The following CDKN1A variants were observed in gnomAD, a reference collection of about 807,000 sequenced individuals.
CDKN1A encodes cyclin-dependent kinase inhibitor 1.
Under a neutral mutation model 14.8 loss-of-function variants are expected in CDKN1A, and 14 were observed. The observed-to-expected ratio is 0.94, with a 90% CI of 0.62 to 1.48. The LOEUF is 1.48. CDKN1A is among the 40% of genes most tolerant of loss of function. CDKN1A has a pLI of 0.00. For synonymous variants in CDKN1A, 92 were observed against 93.5 expected (o/e 0.98, Z 0.09); for missense variants, 203 against 231.7 (o/e 0.88, Z 0.80).
In CDKN1A at chr6:36,686,482, C is replaced by T. The variant is rs1289515919; in HGVS notation, c.*682C>T. 4.2e-6 allele frequency: 1 copy of T among 237,264 alleles called. No homozygotes were observed. The highest frequency in any genetic ancestry group is 6.0e-5 in the East Asian group (1 of 16,650). 14.7% of individuals were successfully genotyped at this position (237,264 alleles called of 1,614,324 possible). ...CAGACCACCCCGCCTGCCCTCATGG[C>T]CCCTCTGACCTGCACTGGGGAGCCC... On this transcript the variant is annotated 3_prime_UTR_variant, in exon 3 of 3. Coordinates refer to ENST00000244741, the MANE Select transcript of CDKN1A (RefSeq NM_000389.5). This position sits in a 1 kb window ranked among gnomAD's most constrained non-coding sequence, Gnocchi z 4.9.
intron 2 of CDKN1A, 103 bp from the exon 3 acceptor site, chr6:36,685,648 C>A: frequency 1.7e-6 from 2 of 1,189,386 alleles, no homozygotes; most frequent in Non-Finnish European, 2.5e-6. Flanking sequence ...GCCCCATTGG[C>A]CCCAGGGAAG....
At position 36,686,196 on chromosome 6, in the gene CDKN1A, C is replaced by T. The variant is rs1002260135; in HGVS notation, c.*396C>T. On this transcript the variant is annotated 3_prime_UTR_variant, in exon 3 of 3. Transcript: ENST00000244741. This position sits in a 1 kb window ranked among gnomAD's most constrained non-coding sequence, Gnocchi z 4.9. Reference sequence around the variant, plus strand: ...GGCTCCTTCCCATCGCTGTCACAGGCGGTTATGAAATTCACCCCCTTTCCT... The same window carrying T: ...GGCTCCTTCCCATCGCTGTCACAGGTGGTTATGAAATTCACCCCCTTTCCT... 1.7e-5 allele frequency: 6 copies of T among 348,114 alleles called. No homozygotes were observed. The highest frequency in any genetic ancestry group is 4.1e-5 in the African/African-American group (2 of 48,276). 21.6% of individuals were successfully genotyped at this position (348,114 alleles called of 1,614,324 possible). A position where few individuals can be genotyped will look rare whatever the true frequency, so the allele number is the denominator to read the frequency against.
At position 36,684,352 on chromosome 6, in the gene CDKN1A, G is replaced by A. The variant is rs34916193; in HGVS notation, c.251G>A (p.Arg84Gln). The A allele has an allele frequency of 3.5e-3, 5,613 of 1,613,402 alleles. 25 individuals are homozygous for A. The highest frequency in any genetic ancestry group is 4.2e-3 in the Non-Finnish European group (4,973 of 1,179,888). Residue 84 changes from arginine to glutamine, a missense_variant, in exon 2 of 3, where the codon CGA becomes CAA. Arg to Gln is a conservative substitution (Grantham distance 43, BLOSUM62 1). Coordinates refer to ENST00000244741, the MANE Select transcript of CDKN1A (RefSeq NM_000389.5). The surrounding 1 kb of genome is among the most constrained non-coding windows in gnomAD (Gnocchi z 6.0). The stretch of plus-strand genomic sequence containing the variant: ...CTCTACCTTCCCACGGGGCCCCGGC[G>A]AGGCCGGGATGAGTTGGGAGGAGGC... ...PKLYLPTGPR[R>Q]GRDELGGGRR...
At chr6:36,677,198 C>T (rs1335420166), upstream of CDKN1A, among the ~76,000 whole-genome samples, 1 of 152,154 alleles carries the variant, frequency 6.6e-6, no homozygotes, top group Non-Finnish European at 1.5e-5. Flanking sequence ...GGTTTAGCCA[C>T]AATCCTGGCC....
intron 1 of CDKN1A, among the ~76,000 whole-genome samples, chr6:36,681,310 T>TTC (rs376621109): frequency 8.0e-6 from 1 of 125,396 alleles, no homozygotes; most frequent in African/African-American, 3.0e-5. Flanking sequence ...CTTTCTTTCT[T>TTC]TCTTTCTTTC....
chr6:36,683,083 G>T (rs769233752), intron 1 of CDKN1A, among the ~76,000 whole-genome samples: 5 of 152,182 alleles, frequency 3.3e-5, no homozygotes, highest in African/African-American at 1.2e-4. Flanking sequence ...GAAGTGATAG[G>T]GGGGAGGCTC....
At chr6:36,683,984 G>A in intron 1 of CDKN1A, 113 bp from the exon 2 acceptor site, 1 of 1,031,488 alleles carries the variant, frequency 9.7e-7, no homozygotes, top group Non-Finnish European at 1.5e-6. Flanking sequence ...GAAGGAGTGA[G>A]AGAGACCCTC....
chr6:36,685,859 A>G lies in CDKN1A; in HGVS notation c.*59A>G. 1 of 1,425,238 alleles carries G rather than the reference A, an allele frequency of 7.0e-7. No homozygotes were observed. The highest frequency in any genetic ancestry group is 2.3e-5 in the East Asian group (1 of 43,922). The allele number at this position is 1,425,238 out of a possible 1,614,324, so 88.3% of individuals were successfully genotyped here. ...CGAGGGCCTCAAAGGCCCGCTCTAC[A>G]TCTTCTGCCTTAGTCTCAGTTTGTG... On this transcript the variant is annotated 3_prime_UTR_variant, in exon 3 of 3. Coordinates refer to ENST00000244741, the MANE Select transcript of CDKN1A (RefSeq NM_000389.5).
rs574125040 is a variant in CDKN1A at position 36,681,837 on chromosome 6, G to A, written c.-5-2260G>A. 2.5e-3 allele frequency among the ~76,000 whole-genome samples: 379 copies of A among 151,924 alleles called. 2 individuals carry two copies. The highest frequency in any genetic ancestry group is 8.8e-3 in the African/African-American group (366 of 41,388). On this transcript the variant is annotated intron_variant, in intron 1 of 2. Coordinates refer to ENST00000244741, the MANE Select transcript of CDKN1A (RefSeq NM_000389.5). ...TCTCAATCTCCTGACCTCGTGCTCC[G>A]CCCTCCTCGGCCTCCCAAAGTGCTG... is the stretch of plus-strand genomic sequence containing the variant.
At position 36,684,885 on chromosome 6, in the gene CDKN1A, G is replaced by A. The variant is rs1041181886; in HGVS notation, c.445+339G>A. ...TTAACTCTGTTGGCCAGACTGGAGT[G>A]CAGTGATACGATCATGGCTCACTGC... is the stretch of plus-strand genomic sequence containing the variant. On this transcript the variant is annotated intron_variant, in intron 2 of 2. Coordinates refer to ENST00000244741, the MANE Select transcript of CDKN1A (RefSeq NM_000389.5). The surrounding 1 kb of genome is among the most constrained non-coding windows in gnomAD (Gnocchi z 6.0). Among the ~76,000 whole-genome samples the A allele has an allele frequency of 5.3e-5, 8 of 152,228 alleles. No homozygotes were observed. The highest frequency in any genetic ancestry group is 1.9e-4 in the African/African-American group (8 of 41,452).
At position 36,684,835 on chromosome 6, in the gene CDKN1A, C is replaced by T. The variant is rs559889912; in HGVS notation, c.445+289C>T. Among the ~76,000 whole-genome samples the T allele has an allele frequency of 1.3e-5, 2 of 152,254 alleles. No individual in the cohort carries two copies. Among genetic ancestry groups the T allele is most frequent in the South Asian group, 2.1e-4 (1 of 4,832 alleles). ...CATAAGACATTCTTGTCACCCTGCC[C>T]GCCTTTCTTTTTGAGACAGGTGTCT... On this transcript the variant is annotated intron_variant, in intron 2 of 2. Coordinates refer to ENST00000244741, the MANE Select transcript of CDKN1A (RefSeq NM_000389.5). This position sits in a 1 kb window ranked among gnomAD's most constrained non-coding sequence, Gnocchi z 6.0.
chr6:36,677,871 C>T (rs904449821), upstream of CDKN1A: 4 of 1,366,192 alleles, frequency 2.9e-6, no homozygotes, highest in Non-Finnish European at 3.9e-6. Flanking sequence ...ACAACTCACT[C>T]GTCAAATCCT....
intron 1 of CDKN1A, chr6:36,680,596 GA>G (rs1761903648): frequency 6.6e-6 from 1 of 152,162 alleles, no homozygotes; most frequent in African/African-American, 2.4e-5. Context: ...CTCCGCGCGT[GA>G]TTTCCTGGAG....
At chr6:36,683,205 T>A (rs1408203682) in intron 1 of CDKN1A, among the ~76,000 whole-genome samples, 1 of 152,224 alleles carries the variant, frequency 6.6e-6, no homozygotes, top group Non-Finnish European at 1.5e-5. Context: ...CTCATGTCTA[T>A]CCTCTGAGAC....
intron 1 of CDKN1A, among the ~76,000 whole-genome samples, chr6:36,682,134 G>A (rs1259385439): frequency 9.2e-5 from 14 of 152,302 alleles, no homozygotes; most frequent in African/African-American, 3.1e-4. Flanking sequence ...AGGACTCAGG[G>A]CAAACAGGCC....
rs1244523840 is a variant in CDKN1A, at chr6:36,687,149, G to T, written c.*1349G>T. On this transcript the variant is annotated 3_prime_UTR_variant, in exon 3 of 3. Coordinates refer to ENST00000244741, the MANE Select transcript of CDKN1A (RefSeq NM_000389.5). The stretch of plus-strand genomic sequence containing the variant: ...TGACCCCAAACACCTTCCAGCTCCT[G>T]TAACATACTGGCCTGGACTGTTTTC... 5 of 233,048 alleles carry T rather than the reference G, an allele frequency of 2.1e-5. No homozygotes were observed. Among genetic ancestry groups the T allele is most frequent in the Non-Finnish European group, 2.5e-5 (3 of 118,032 alleles). The allele number at this position is 233,048 out of a possible 1,614,324, so 14.4% of individuals were successfully genotyped here.
At position 36,685,956 on chromosome 6, in the gene CDKN1A, C is replaced by T. The variant is rs1489707452; in HGVS notation, c.*156C>T. The T allele has an allele frequency of 1.4e-6, 1 of 729,820 alleles. No homozygotes were observed. Among genetic ancestry groups the T allele is most frequent in the African/African-American group, 1.8e-5 (1 of 56,606 alleles). 45.2% of individuals were successfully genotyped at this position (729,820 alleles called of 1,614,324 possible). A position where few individuals can be genotyped will look rare whatever the true frequency, so the allele number is the denominator to read the frequency against. ...CATACCCTGGCCGCCCCCTGCCCCCCAGCCTCTGGCATTAGAATTATTTAA... is the reference window on the plus strand; with the variant it reads ...CATACCCTGGCCGCCCCCTGCCCCCTAGCCTCTGGCATTAGAATTATTTAA... On this transcript the variant is annotated 3_prime_UTR_variant, in exon 3 of 3. Transcript: ENST00000244741.
chr6:36,683,902 G>C (rs918182739), intron 1 of CDKN1A, among the ~76,000 whole-genome samples, 195 bp from the exon 2 acceptor site: 3 of 152,226 alleles, frequency 2.0e-5, no homozygotes, highest in Non-Finnish European at 4.4e-5. Context: ...AGTGACCTTG[G>C]TGTGCCAGGC....
At chr6:36,685,382 C>T (rs535778562) in intron 2 of CDKN1A, among the ~76,000 whole-genome samples, 5 of 152,206 alleles carry the variant, frequency 3.3e-5, no homozygotes, top group African/African-American at 4.8e-5. Flanking sequence ...GAGCCACATA[C>T]GGCTGTTGTG....
Sources: allele counts gnomAD v4.1 joint callset (sites outside exome capture counted in the v4.1 genomes callset), GRCh38; gene constraint gnomAD v4.1.1; non-coding constraint Gnocchi (gnomAD v3.1); transcripts MANE v1.5; gene names NCBI Gene and HGNC (gene_info 2026-07-23, HGNC 2026-07-21).